Variants in KIF13B observed in about 807,000 individuals in gnomAD.
The protein encoded by KIF13B is kinesin-like protein KIF13B.
Under a neutral mutation model 222.0 loss-of-function variants are expected in KIF13B, and 127 were observed. That is an observed-to-expected ratio of 0.57 (90% CI 0.50 to 0.66). The LOEUF (loss-of-function observed/expected upper bound fraction) is 0.66. Ranked by LOEUF, KIF13B falls within the 30% of genes least tolerant of loss-of-function variation. The pLI, the probability that KIF13B is intolerant of heterozygous loss-of-function variation, is 0.00. For synonymous variants in KIF13B, 976 were observed against 919.0 expected, an observed-to-expected ratio of 1.06 and a Z score of -1.12; for missense variants, 2,173 against 2,379.0, an observed-to-expected ratio of 0.91 and a Z score of 1.80.
At position 29,155,956 on chromosome 8, in the gene KIF13B, C is replaced by A. The variant is rs1055018025; in HGVS notation, c.1405-100G>T. The A allele has an allele frequency of 6.4e-6, 6 of 942,126 alleles. No individual in the cohort carries two copies. In the South Asian group the frequency reaches 8.1e-5, roughly 13 times the overall value. 58.4% of individuals were successfully genotyped at this position (942,126 alleles called of 1,614,324 possible). ...CTCTTATATTGTCCTATTACCTTTG[C>A]GAAAATTTTTTTTATTTTTATTTTA... On this transcript the variant is annotated intron_variant, in intron 13 of 39. Transcript: ENST00000524189.
intron 31 of KIF13B, 23 bp downstream of exon 31, chr8:29,116,808 C>A (rs371972627): frequency 6.3e-7 from 1 of 1,582,588 alleles, no homozygotes; most frequent in South Asian, 1.1e-5. Context: ...TGGTTAGAGT[C>A]GTTTCTTCCA....
At chr8:29,108,390 G>A (rs113763664) in intron 34 of KIF13B, among the ~76,000 whole-genome samples, 198 bp from the exon 35 acceptor site, 51 of 152,226 alleles carry the variant, frequency 3.4e-4, no homozygotes, top group African/African-American at 1.1e-3. Context: ...ATTTTCAGAT[G>A]AGAGATTTCT....
At chr8:29,213,017 A>G (rs1030764590) in intron 2 of KIF13B, among the ~76,000 whole-genome samples, 1 of 152,086 alleles carries the variant, frequency 6.6e-6, no homozygotes, top group Non-Finnish European at 1.5e-5. Context: ...AACTGTCTTC[A>G]TGACATGACA....
Position 29,148,588 on chromosome 8 carries a change from A to AGGGC in KIF13B, c.1798_1801dup (p.Leu601ArgfsTer6). On this transcript the variant is annotated frameshift_variant, in exon 16 of 40. Transcript: ENST00000524189. LOFTEE classifies it high-confidence loss of function. ...CCCGACTTGCTCACCATTGCTGCCC[A>AGGGC]GGGCCTTCATGGTGACCTCCATCTG... is the stretch of plus-strand genomic sequence containing the variant. The AGGGC allele has an allele frequency of 6.2e-7, 1 of 1,604,918 alleles. No homozygotes were observed.
At chr8:29,102,128 T>G (rs1187798664) in intron 35 of KIF13B, among the ~76,000 whole-genome samples, 1 of 150,920 alleles carries the variant, frequency 6.6e-6, no homozygotes, top group Non-Finnish European at 1.5e-5. Flanking sequence ...AGCAACCCAG[T>G]TCAATGTACT....
Position 29,070,371 on chromosome 8 carries a change from G to T in KIF13B, c.*133C>A. On this transcript the variant is annotated 3_prime_UTR_variant, in exon 40 of 40. Transcript: ENST00000524189. This position sits in a 1 kb window ranked among gnomAD's most constrained non-coding sequence, Gnocchi z 4.1. ...GAGGCCCAGGGAGGTCACCAGCCCT[G>T]TGTCGTGCAAAAAGCATTCATCGCC... 1 of 984,074 alleles carries T rather than the reference G, an allele frequency of 1.0e-6. No individual in the cohort carries two copies. Among genetic ancestry groups the T allele is most frequent in the Non-Finnish European group, 1.5e-6 (1 of 667,582 alleles). 61.0% of individuals were successfully genotyped at this position (984,074 alleles called of 1,614,324 possible).
chr8:29,239,655 T>G lies in KIF13B; in HGVS notation c.149+5691A>C, dbSNP rs576038680. 1.3e-3 allele frequency among the ~76,000 whole-genome samples: 191 copies of G among 152,292 alleles called. 1 individual carries two copies. Among genetic ancestry groups the G allele is most frequent in the Middle Eastern group, 3.4e-3 (1 of 294 alleles). On this transcript the variant is annotated intron_variant, in intron 2 of 39. Coordinates refer to ENST00000524189, the MANE Select transcript of KIF13B (RefSeq NM_015254.4). ...ACATTACACAATATACCCTTGTTTT[T>G]TTTGTTTGTTTGCTTGTTTTGTTTT...
Position 29,107,851 on chromosome 8 carries a change from C to T in KIF13B, c.4215+288G>A, listed in dbSNP as rs138369547. ...CTGGGATTACATACGTGAGCCACTG[C>T]GCCCAGCCTGAAGTTTCTTTTCTGA... On this transcript the variant is annotated intron_variant, in intron 35 of 39. Transcript: ENST00000524189. Among the ~76,000 whole-genome samples, 1,507 of 152,222 alleles carry T rather than the reference C, an allele frequency of 9.9e-3. 14 individuals are homozygous for T. Among genetic ancestry groups the T allele is most frequent in the African/African-American group, 0.018 (737 of 41,532 alleles).
chr8:29,142,326 C>G, intron 18 of KIF13B, 23 bp from the exon 19 acceptor site: 1 of 1,598,902 alleles, frequency 6.3e-7, no homozygotes, highest in East Asian at 2.2e-5. Context: ...TAAGAATGAC[C>G]GTGAGAAACA....
At chr8:29,188,739 C>T (rs1365353007) in intron 4 of KIF13B, 132 bp from the exon 5 acceptor site, 7 of 627,700 alleles carry the variant, frequency 1.1e-5, no homozygotes, top group East Asian at 2.8e-5. Flanking sequence ...TTAAATTTGA[C>T]GAATGCTCCC....
intron 37 of KIF13B, among the ~76,000 whole-genome samples, chr8:29,087,701 ACTCTT>A (rs919299647): frequency 6.6e-6 from 1 of 152,018 alleles, no homozygotes; most frequent in Admixed American, 6.6e-5. Context: ...CCCAGGGGGA[ACTCTT>A]CTCATTTCTG....
intron 21 of KIF13B, among the ~76,000 whole-genome samples, chr8:29,137,504 C>T (rs1412693617): frequency 3.9e-5 from 6 of 152,230 alleles, no homozygotes; most frequent in Non-Finnish European, 7.3e-5. Context: ...TCAGTGAAAA[C>T]ATGGAGATGT....
chr8:29,101,771 G>A (rs1180803863), intron 35 of KIF13B, among the ~76,000 whole-genome samples: 1 of 152,176 alleles, frequency 6.6e-6, no homozygotes, highest in Admixed American at 6.5e-5. Context: ...CTGAGACAGG[G>A]ACCTCAAATC....
chr8:29,160,563 G>GTTTTTATATT lies in KIF13B; in HGVS notation c.1404+169_1404+170insAATATAAAAA, dbSNP rs1417931997. Among the ~76,000 whole-genome samples, 381 of 152,182 alleles carry GTTTTTATATT rather than the reference G, an allele frequency of 2.5e-3. 5 individuals carry two copies. Among genetic ancestry groups the GTTTTTATATT allele is most frequent in the African/African-American group, 8.7e-3 (362 of 41,506 alleles). On this transcript the variant is annotated intron_variant, in intron 13 of 39. Coordinates refer to ENST00000524189, the MANE Select transcript of KIF13B (RefSeq NM_015254.4). Reference sequence around the variant, plus strand: ...AGAGTATCATTTTTTTATATTGTCAGGTTGAATGGCATCAAAGACTAAAAA... The same window carrying GTTTTTATATT: ...AGAGTATCATTTTTTTATATTGTCAGTTTTTATATTGTTGAATGGCATCAAAGACTAAAAA...
At chr8:29,157,275 G>C (rs1314209664) in intron 13 of KIF13B, among the ~76,000 whole-genome samples, 1 of 151,168 alleles carries the variant, frequency 6.6e-6, no homozygotes, top group African/African-American at 2.4e-5. Context: ...CCTTCTAAGA[G>C]TGGGCATGGT....
intron 22 of KIF13B, among the ~76,000 whole-genome samples, chr8:29,132,809 A>G (rs1810402642): frequency 6.6e-6 from 1 of 152,242 alleles, no homozygotes; most frequent in South Asian, 2.1e-4. Context: ...ATGTGTTGAT[A>G]TAAAAGTTAT....
At chr8:29,171,921 C>A (rs1400018468) in intron 10 of KIF13B, among the ~76,000 whole-genome samples, 2 of 151,064 alleles carry the variant, frequency 1.3e-5, no homozygotes. Flanking sequence ...CTACTCCCAG[C>A]TCATTTCTGT....
chr8:29,203,842 C>G (rs1161543307), intron 2 of KIF13B, among the ~76,000 whole-genome samples: 2 of 132,392 alleles, frequency 1.5e-5, no homozygotes, highest in African/African-American at 5.8e-5. Flanking sequence ...TGTGGTGAGC[C>G]GAGATCACAC....
intron 6 of KIF13B, among the ~76,000 whole-genome samples, chr8:29,185,563 A>G (rs1812890018): frequency 6.6e-6 from 1 of 152,202 alleles, no homozygotes; most frequent in Non-Finnish European, 1.5e-5. Context: ...AAAACTGACA[A>G]CAGAGAGGAG....
Sources: gnomAD v4.1 joint callset for allele counts (sites outside exome capture counted in the v4.1 genomes callset) on GRCh38, gnomAD v4.1.1 for gene constraint, Gnocchi (gnomAD v3.1) non-coding constraint, MANE v1.5 for transcripts, NCBI Gene and HGNC (gene_info 2026-07-23, HGNC 2026-07-21) for gene names.